Variants in RUFY1 observed in about 807,000 individuals in gnomAD.
The protein encoded by RUFY1 is RUN and FYVE domain containing 1.
A neutral mutation model predicts 94.6 loss-of-function variants in RUFY1; 54 were observed. The ratio of observed to expected loss-of-function variants is 0.57; its 90% confidence interval spans 0.46 to 0.72. The LOEUF (loss-of-function observed/expected upper bound fraction) is 0.72, where lower values mean the gene tolerates loss of function less well. Among genes scored for constraint, RUFY1 ranks in the 30% least tolerant of loss-of-function variants. The pLI is 0.00. For synonymous variants in RUFY1, 396 were observed against 347.3 expected, an observed-to-expected ratio of 1.14 and a Z score of -1.56; for missense variants, 883 against 883.9, an observed-to-expected ratio of 1.00 and a Z score of 0.01.
At chr5:179,558,942 TCAA>T (rs1440661168) in intron 1 of RUFY1, among the ~76,000 whole-genome samples, 2 of 152,136 alleles carry the variant, frequency 1.3e-5, no homozygotes, top group African/African-American at 4.8e-5. Context: ...GGCAAGCAAT[TCAA>T]CACGAAAGTC....
intron 17 of RUFY1, chr5:179,608,764 A>G (rs1015412213): frequency 3.0e-5 from 12 of 396,964 alleles, no homozygotes; most frequent in Non-Finnish European, 4.1e-5. Context: ...CATCATCTCT[A>G]CTAAAAAAAT....
At chr5:179,606,062 A>T in intron 16 of RUFY1, 138 bp downstream of exon 16, 1 of 650,698 alleles carries the variant, frequency 1.5e-6, no homozygotes, top group South Asian at 1.8e-5. Flanking sequence ...AGAGAAGCCA[A>T]ACGCTGCTCA....
Position 179,593,628 on chromosome 5 carries a change from A to G in RUFY1, c.1396A>G (p.Met466Val). Residue 466 changes from methionine to valine, a missense_variant, in exon 11 of 18, where the codon ATG becomes GTG. Met to Val is a conservative substitution (Grantham distance 21, BLOSUM62 1). Transcript: ENST00000319449. ...LEEVKAINLQ[M>V]FHKAQNAESS... ...AGAAGTCAAAGCGATTAATTTACAG[A>G]TGTTTCACAAAGCTCAGGTGGGAGT... is the stretch of plus-strand genomic sequence containing the variant. The G allele has an allele frequency of 6.2e-7, 1 of 1,613,968 alleles. No homozygotes were observed. The highest frequency in any genetic ancestry group is 8.5e-7 in the Non-Finnish European group (1 of 1,179,906).
rs1479857933 is a variant in RUFY1 at position 179,580,252 on chromosome 5, T to A, written c.891-695T>A. On this transcript the variant is annotated intron_variant, in intron 6 of 17. Transcript: ENST00000319449. Reference sequence around the variant, plus strand: ...GTGTGTGTGTGTGTGTATATTTTTTTTTTTTTTTGAGACGGAGTCTCGCTC... The same window carrying A: ...GTGTGTGTGTGTGTGTATATTTTTTATTTTTTTTGAGACGGAGTCTCGCTC... 1.6e-3 allele frequency among the ~76,000 whole-genome samples: 244 copies of A among 148,038 alleles called. 3 individuals are homozygous for A. The highest frequency in any genetic ancestry group is 3.3e-3 in the Admixed American group (49 of 14,808).
intron 6 of RUFY1, 101 bp downstream of exon 6, chr5:179,577,237 T>A: frequency 1.3e-6 from 1 of 754,138 alleles, no homozygotes; most frequent in South Asian, 1.7e-5. Context: ...AGTGGCACAG[T>A]CTTGGCTCAC....
In RUFY1 at chr5:179,550,625, A is replaced by AGCTGGAGCCGGG. The variant is rs1561938702; in HGVS notation, c.59_70dup (p.Leu20_Gly23dup). ...GGGCGGGGGCGGGAGCTGGAGCCGG[A>AGCTGGAGCCGGG]GCTGGAGCCGGGGCCGGGGCCCGGG... On this transcript the variant is annotated inframe_insertion, in exon 1 of 18. Coordinates refer to ENST00000319449, the MANE Select transcript of RUFY1 (RefSeq NM_025158.5). 7.4e-7 allele frequency: 1 copy of AGCTGGAGCCGGG among 1,347,516 alleles called. No individual in the cohort carries two copies. The highest frequency in any genetic ancestry group is 9.4e-7 in the Non-Finnish European group (1 of 1,059,720). 83.5% of individuals were successfully genotyped at this position (1,347,516 alleles called of 1,614,324 possible). A position where few individuals can be genotyped will look rare whatever the true frequency, so the allele number is the denominator to read the frequency against.
chr5:179,568,776 C>T (rs1361024491), intron 4 of RUFY1, among the ~76,000 whole-genome samples: 5 of 152,158 alleles, frequency 3.3e-5, no homozygotes, highest in Non-Finnish European at 4.4e-5. Flanking sequence ...GGATTTGGTA[C>T]ATTAGCAAGT....
At chr5:179,605,831 T>G in intron 15 of RUFY1, 45 bp from the exon 16 acceptor site, 30 of 1,234,794 alleles carry the variant, frequency 2.4e-5, no homozygotes, top group Non-Finnish European at 3.2e-5. Context: ...ATTCAGAGCC[T>G]CACTCTCTCT....
rs549090087 is a variant in RUFY1, at chr5:179,595,081, G to A, written c.1511+118G>A. 18 of 697,334 alleles carry A rather than the reference G, an allele frequency of 2.6e-5. No individual in the cohort carries two copies. The East Asian group carries it at 3.9e-4, about 15-fold the overall frequency. The allele number at this position is 697,334 out of a possible 1,614,324, so 43.2% of individuals were successfully genotyped here. A position where few individuals can be genotyped will look rare whatever the true frequency, so the allele number is the denominator to read the frequency against. ...GGAGAGGCTGGGCGCGGTGGCTCACGCCTGTAATCCCAACACTTTGGGAGG... is the reference window on the plus strand; with the variant it reads ...GGAGAGGCTGGGCGCGGTGGCTCACACCTGTAATCCCAACACTTTGGGAGG... On this transcript the variant is annotated intron_variant, in intron 12 of 17. Coordinates refer to ENST00000319449, the MANE Select transcript of RUFY1 (RefSeq NM_025158.5).
chr5:179,589,011 G>A (rs956990846), intron 8 of RUFY1, among the ~76,000 whole-genome samples: 21 of 152,150 alleles, frequency 1.4e-4, no homozygotes, highest in African/African-American at 4.8e-4. Flanking sequence ...AATTACAGGT[G>A]TGAGCCACTG....
chr5:179,585,282 A>G (rs1350786060), intron 7 of RUFY1, among the ~76,000 whole-genome samples: 3 of 152,150 alleles, frequency 2.0e-5, no homozygotes, highest in East Asian at 1.9e-4. Context: ...CCAGATGACT[A>G]AAAAAGAAAT....
At chr5:179,551,679 C>G (rs1554113109) in intron 1 of RUFY1, among the ~76,000 whole-genome samples, 1 of 137,948 alleles carries the variant, frequency 7.2e-6, no homozygotes, top group Admixed American at 7.3e-5. Flanking sequence ...CGCCCCCACC[C>G]CCCTCCCATA....
At position 179,607,225 on chromosome 5, in the gene RUFY1, A is replaced by G. The variant is rs182348250; in HGVS notation, c.1906-357A>G. ...CAGCTAGCACTTCGGCCAGTGTCTC[A>G]GGCAGGGTCTAGGGTTGCAGGCACC... On this transcript the variant is annotated intron_variant, in intron 16 of 17. Coordinates refer to ENST00000319449, the MANE Select transcript of RUFY1 (RefSeq NM_025158.5). 576 of 274,942 alleles carry G rather than the reference A, an allele frequency of 2.1e-3. 1 individual carries two copies. Among genetic ancestry groups the G allele is most frequent in the African/African-American group, 0.011 (523 of 45,618 alleles). 17.0% of individuals were successfully genotyped at this position (274,942 alleles called of 1,614,324 possible). A position where few individuals can be genotyped will look rare whatever the true frequency, so the allele number is the denominator to read the frequency against.
chr5:179,556,153 T>C (rs1436883539), intron 1 of RUFY1, among the ~76,000 whole-genome samples: 1 of 152,228 alleles, frequency 6.6e-6, no homozygotes, highest in Non-Finnish European at 1.5e-5. Context: ...AATACCTTAA[T>C]GAATTGATAA....
intron 8 of RUFY1, among the ~76,000 whole-genome samples, chr5:179,587,839 C>T (rs996178546): frequency 2.6e-5 from 4 of 151,864 alleles, no homozygotes; most frequent in South Asian, 2.1e-4. Context: ...TGAGACCAGC[C>T]TGGGCAACAT....
rs979416349 is a variant in RUFY1 at position 179,550,899 on chromosome 5, GT to G, written c.310+21del. On this transcript the variant is annotated intron_variant, in intron 1 of 17. Transcript: ENST00000319449. ...GCGCAGGTAGGCTCGGGCCGGGTCT[GT>G]CCCGCGGCGGACTCGCGTGTCCCCG... 1.8e-6 allele frequency: 2 copies of G among 1,118,184 alleles called. No homozygotes were observed. The highest frequency in any genetic ancestry group is 3.3e-5 in the African/African-American group (2 of 60,158). 69.3% of individuals were successfully genotyped at this position (1,118,184 alleles called of 1,614,324 possible).
In RUFY1 at chr5:179,604,874, CT is replaced by C. The variant is rs1386792873; in HGVS notation, c.1857-1000del. 2.0e-5 allele frequency among the ~76,000 whole-genome samples: 3 copies of C among 151,528 alleles called. 1 individual carries two copies. The highest frequency in any genetic ancestry group is 6.3e-3 in the Middle Eastern group (2 of 316). ...TGTCGGGCGCCTGTCATCCCAGCTACTTGGGAAGCTGAGGCAGGAGAATTGC... is the reference window on the plus strand; with the variant it reads ...TGTCGGGCGCCTGTCATCCCAGCTACTGGGAAGCTGAGGCAGGAGAATTGC... On this transcript the variant is annotated intron_variant, in intron 15 of 17. Transcript: ENST00000319449.
chr5:179,565,621 A>G (rs1762779713), intron 3 of RUFY1, among the ~76,000 whole-genome samples: 1 of 152,056 alleles, frequency 6.6e-6, no homozygotes, highest in Non-Finnish European at 1.5e-5. Flanking sequence ...TCGAATATTC[A>G]TTTACAATAT....
intron 13 of RUFY1, chr5:179,596,897 G>T: frequency 1.9e-6 from 1 of 538,910 alleles, no homozygotes; most frequent in South Asian, 3.2e-5. Flanking sequence ...CTCGCCTCCA[G>T]AAGATCTGGC....
Sources: allele counts gnomAD v4.1 joint callset (sites outside exome capture counted in the v4.1 genomes callset), GRCh38; gene constraint gnomAD v4.1.1; transcripts MANE v1.5; gene names NCBI Gene and HGNC (gene_info 2026-07-23, HGNC 2026-07-21).